The following UBXN4 variants were observed in gnomAD, a reference collection of about 807,000 sequenced individuals.
The protein encoded by UBXN4 is UBX domain protein 4, also known as UBX domain-containing protein 4.
A neutral mutation model predicts 66.2 loss-of-function variants in UBXN4; 35 were observed. The observed-to-expected ratio is 0.53, with a 90% confidence interval of 0.40 to 0.70. UBXN4 has a LOEUF of 0.70. UBXN4 is among the 30% of genes least tolerant of loss of function. The pLI is 0.00. For synonymous variants in UBXN4, 203 were observed against 204.5 expected, an observed-to-expected ratio of 0.99 and a Z score of 0.06; for missense variants, 533 against 599.8, an observed-to-expected ratio of 0.89 and a Z score of 1.16.
At chr2:135,747,660 G>C (rs1395130069) in intron 1 of UBXN4, 1 of 456,016 alleles carries the variant, frequency 2.2e-6, no homozygotes, top group Non-Finnish European at 4.4e-6. Context: ...CTCTCTAGAC[G>C]GTCTCACTGT....
chr2:135,767,221 C>T (rs1030100140), intron 6 of UBXN4, among the ~76,000 whole-genome samples: 3 of 152,012 alleles, frequency 2.0e-5, no homozygotes, highest in Admixed American at 6.6e-5. Context: ...ATTAGCTGGG[C>T]GTGGGGGTGT....
chr2:135,769,752 T>G lies in UBXN4; in HGVS notation c.603-17T>G. ...GATGTGTCTCAATTAGTGGTGGTTT[T>G]TTTTTTTTTAATACAGACTAACAAA... is the stretch of plus-strand genomic sequence containing the variant. On this transcript the variant is annotated splice_polypyrimidine_tract_variant and intron_variant, in intron 6 of 12. Transcript: ENST00000272638. The G allele has an allele frequency of 3.9e-6, 6 of 1,553,850 alleles. No homozygotes were observed. The highest frequency in any genetic ancestry group is 1.2e-5 in the South Asian group (1 of 82,794).
chr2:135,747,840 C>G (rs916358843), intron 1 of UBXN4: 28 of 356,186 alleles, frequency 7.9e-5, no homozygotes, highest in Non-Finnish European at 1.7e-5. Context: ...AGTCTGGTCT[C>G]GAATTCCTGG....
At chr2:135,771,667 A>G (rs897189850) in intron 8 of UBXN4, among the ~76,000 whole-genome samples, 1 of 152,134 alleles carries the variant, frequency 6.6e-6, no homozygotes, top group African/African-American at 2.4e-5. Flanking sequence ...AGTTCAAGCA[A>G]TTCTCCTGTC....
chr2:135,782,667 C>A, intron 12 of UBXN4, 82 bp from the exon 13 acceptor site: 1 of 1,534,822 alleles, frequency 6.5e-7, no homozygotes, highest in Non-Finnish European at 8.8e-7. Flanking sequence ...GTTGCCTGTA[C>A]TGATGGAAGT....
chr2:135,779,229 C>A, intron 11 of UBXN4, 150 bp downstream of exon 11: 1 of 865,282 alleles, frequency 1.2e-6, no homozygotes, highest in Non-Finnish European at 1.6e-6. Flanking sequence ...ATTTATAATT[C>A]CATTATCCTG....
chr2:135,747,698 A>G (rs1481243102), intron 1 of UBXN4: 2 of 455,970 alleles, frequency 4.4e-6, no homozygotes, highest in Non-Finnish European at 4.4e-6. Flanking sequence ...GCAGTGGTGC[A>G]ATCTCCGCTC....
chr2:135,782,942 C>A lies in UBXN4; in HGVS notation c.*55C>A. The stretch of plus-strand genomic sequence containing the variant: ...TTGTTTCTCTTATGATTTAATTCAA[C>A]TAAAATTCTACTGGAGAAGTGGGAC... On this transcript the variant is annotated 3_prime_UTR_variant, in exon 13 of 13. Transcript: ENST00000272638. 1 of 1,548,058 alleles carries A rather than the reference C, an allele frequency of 6.5e-7. No homozygotes were observed. Among genetic ancestry groups the A allele is most frequent in the Non-Finnish European group, 8.7e-7 (1 of 1,143,308 alleles).
rs771849726 is a variant in UBXN4, at chr2:135,761,917, C to G, written c.602+6C>G. Reference sequence around the variant, plus strand: ...CTCAACATCCGAGTGGAAAGGTTTGCTCTTCTTTTTGCAAATAGCATTTTG... The same window carrying G: ...CTCAACATCCGAGTGGAAAGGTTTGGTCTTCTTTTTGCAAATAGCATTTTG... On this transcript the variant is annotated splice_donor_region_variant and intron_variant, in intron 6 of 12. Transcript: ENST00000272638. 2 of 1,605,296 alleles carry G rather than the reference C, an allele frequency of 1.2e-6. No homozygotes were observed. Among genetic ancestry groups the G allele is most frequent in the Non-Finnish European group, 1.7e-6 (2 of 1,177,932 alleles).
At chr2:135,763,332 C>G (rs1353195330) in intron 6 of UBXN4, among the ~76,000 whole-genome samples, 1 of 151,476 alleles carries the variant, frequency 6.6e-6, no homozygotes, top group Non-Finnish European at 1.5e-5. Context: ...GGGTATTGAA[C>G]TGTGAAACTA....
intron 6 of UBXN4, among the ~76,000 whole-genome samples, chr2:135,762,473 C>T (rs6708957): frequency 0.22 from 32,703 of 151,986 alleles, 4,021 homozygotes; most frequent in Middle Eastern, 0.57. Flanking sequence ...ATTTAAACCC[C>T]TTTAGCGTTA....
intron 2 of UBXN4, among the ~76,000 whole-genome samples, chr2:135,752,134 G>T (rs766773895): frequency 6.6e-6 from 1 of 151,544 alleles, no homozygotes; most frequent in Admixed American, 6.6e-5. Flanking sequence ...TGCAACCTCC[G>T]CCTCCTGGGT....
chr2:135,779,853 A>G (rs2077438810), intron 11 of UBXN4, among the ~76,000 whole-genome samples: 1 of 134,012 alleles, frequency 7.5e-6, no homozygotes, highest in South Asian at 2.2e-4. Context: ...TATTATATAA[A>G]ATAATTATAT....
chr2:135,761,785 A>G (rs768781581), intron 5 of UBXN4, 33 bp from the exon 6 acceptor site: 1 of 1,518,592 alleles, frequency 6.6e-7, no homozygotes, highest in Non-Finnish European at 8.9e-7. Flanking sequence ...CATTAAATGC[A>G]GTATTCTTAT....
At chr2:135,773,580 T>C (rs1181388984) in intron 9 of UBXN4, among the ~76,000 whole-genome samples, 2 of 152,158 alleles carry the variant, frequency 1.3e-5, no homozygotes, top group Non-Finnish European at 2.9e-5. Context: ...GGAAATGTTA[T>C]TGATAATTAT....
rs1238588885 is a variant in UBXN4 at position 135,784,997 on chromosome 2, G to T, written c.*2110G>T. ...TTCTTATGTAATTTTCAGAAAATTT[G>T]TATGCGTATATAAGCAAATATGTAA... On this transcript the variant is annotated 3_prime_UTR_variant, in exon 13 of 13. Coordinates refer to ENST00000272638, the MANE Select transcript of UBXN4 (RefSeq NM_014607.4). 1.3e-5 allele frequency: 2 copies of T among 152,182 alleles called. No homozygotes were observed. The highest frequency in any genetic ancestry group is 2.9e-5 in the Non-Finnish European group (2 of 68,016). The allele number at this position is 152,182 out of a possible 1,614,324, so 9.4% of individuals were successfully genotyped here.
chr2:135,762,057 C>A (rs2105499963), intron 6 of UBXN4, 146 bp downstream of exon 6: 1 of 771,778 alleles, frequency 1.3e-6, no homozygotes, highest in Non-Finnish European at 2.1e-6. Context: ...TAATTTGTAT[C>A]CATAAACATT....
rs755383608 is a variant in UBXN4 at position 135,761,893 on chromosome 2, T to C, written c.584T>C (p.Leu195Pro). Residue 195 changes from leucine to proline, a missense_variant, in exon 6 of 13, where the codon CTC becomes CCC. Physicochemically the swap from Leu to Pro is moderately conservative, Grantham distance 98. Around this residue, in one of 2 missense-constraint regions of UBXN4, gnomAD observed 529 missense variants for 580.1 expected, o/e 0.91. Coordinates refer to ENST00000272638, the MANE Select transcript of UBXN4 (RefSeq NM_014607.4). ...TCAGATCAGAGACCTGCAGAGGACC[T>C]CAACATCCGAGTGGAAAGGTTTGCT... ...GCSDQRPAEDLNIRVERLTKK... is the reference protein window; with the variant it reads ...GCSDQRPAEDPNIRVERLTKK... The C allele has an allele frequency of 1.2e-6, 2 of 1,612,968 alleles. No individual in the cohort carries two copies. Among genetic ancestry groups the C allele is most frequent in the Non-Finnish European group, 1.7e-6 (2 of 1,179,682 alleles).
intron 7 of UBXN4, 114 bp from the exon 8 acceptor site, chr2:135,770,457 A>T: frequency 1.4e-6 from 1 of 696,640 alleles, no homozygotes; most frequent in Non-Finnish European, 2.3e-6. Flanking sequence ...AAACTCGTCT[A>T]GACTTACATT....
Sources: allele counts gnomAD v4.1 joint callset (sites outside exome capture counted in the v4.1 genomes callset), GRCh38; gene constraint gnomAD v4.1.1; regional missense constraint gnomAD v4.1.1; transcripts MANE v1.5; gene names NCBI Gene and HGNC (gene_info 2026-07-23, HGNC 2026-07-21).